STPG4: variants seen among roughly 807,000 people sequenced by gnomAD.
STPG4 encodes protein STPG4.
A neutral mutation model predicts 31.5 loss-of-function variants in STPG4; 41 were observed. The ratio of observed to expected loss-of-function variants is 1.30; its 90% confidence interval spans 1.01 to 1.69. The LOEUF (loss-of-function observed/expected upper bound fraction) is 1.69. STPG4 is among the 40% of genes most tolerant of loss of function. The pLI is 0.00. For synonymous variants in STPG4, 141 were observed against 103.0 expected, an observed-to-expected ratio of 1.37 and a Z score of -2.24; for missense variants, 375 against 293.4, an observed-to-expected ratio of 1.28 and a Z score of -2.03.
intron 5 of STPG4, among the ~76,000 whole-genome samples, chr2:47,092,798 TG>T (rs1463433366): frequency 1.2e-3 from 60 of 49,506 alleles, no homozygotes; most frequent in African/African-American, 3.2e-3. Context: ...TCCACGGTTC[TG>T]TTTTTTTTTT....
intron 3 of STPG4, among the ~76,000 whole-genome samples, 184 bp from the exon 4 acceptor site, chr2:47,130,444 C>T (rs1558683230): frequency 6.6e-6 from 1 of 152,202 alleles, no homozygotes; most frequent in Non-Finnish European, 1.5e-5. Context: ...AACATAGATT[C>T]GGTCTTCATG....
chr2:47,115,366 C>T (rs758102973), intron 5 of STPG4, among the ~76,000 whole-genome samples: 1 of 152,094 alleles, frequency 6.6e-6, no homozygotes, highest in Admixed American at 6.5e-5. Context: ...CTTTCTGGAT[C>T]TGCTCCTTTG....
intron 6 of STPG4, among the ~76,000 whole-genome samples, chr2:47,088,632 A>G (rs190599056): frequency 5.3e-4 from 81 of 152,244 alleles, no homozygotes; most frequent in African/African-American, 1.7e-3. Context: ...ATTTTTTACT[A>G]TTATCACCTA....
In STPG4 at chr2:47,130,123, G is replaced by T. The variant is rs190605427; in HGVS notation, c.464+73C>A. 4,615 of 1,506,996 alleles carry T rather than the reference G, an allele frequency of 3.1e-3. 15 individuals are homozygous for T. Among genetic ancestry groups the T allele is most frequent in the Non-Finnish European group, 3.7e-3 (3,981 of 1,085,268 alleles). The allele number at this position is 1,506,996 out of a possible 1,614,324, so 93.4% of individuals were successfully genotyped here. A position where few individuals can be genotyped will look rare whatever the true frequency, so the allele number is the denominator to read the frequency against. ...TTTGCATATGAGGTGCATAAATGAG[G>T]TTTAAAAGCCAGGAGTATTGGCGTG... On this transcript the variant is annotated intron_variant, in intron 4 of 6. Transcript: ENST00000445927.
intron 5 of STPG4, among the ~76,000 whole-genome samples, chr2:47,101,667 C>T (rs1685803817): frequency 6.6e-6 from 1 of 151,864 alleles, no homozygotes; most frequent in Non-Finnish European, 1.5e-5. Flanking sequence ...CCCAAAGCCC[C>T]ATCATAGTGG....
At position 47,155,195 on chromosome 2, in the gene STPG4, A is replaced by C. The variant is rs1573207139; in HGVS notation, c.57T>G (p.Gly19=). The change falls in exon 1 of 7, where the codon GGT becomes GGG. Residue 19 remains glycine (G), a synonymous_variant. Coordinates refer to ENST00000445927, the MANE Select transcript of STPG4 (RefSeq NM_001163561.2). The part of the protein sequence containing the change: ...ASTSIREDLV[G]GESFITASKP... ...CCGAAGCTGTGATGAATGATTCTCCACCCACCAGGTCTTCCCTTATTGAGG... is the reference window on the plus strand; with the variant it reads ...CCGAAGCTGTGATGAATGATTCTCCCCCCACCAGGTCTTCCCTTATTGAGG... The C allele has an allele frequency of 6.2e-7, 1 of 1,614,080 alleles. No homozygotes were observed. Among genetic ancestry groups the C allele is most frequent in the Non-Finnish European group, 8.5e-7 (1 of 1,180,014 alleles).
intron 3 of STPG4, among the ~76,000 whole-genome samples, chr2:47,138,412 G>C (rs1476888455): frequency 1.4e-5 from 2 of 147,808 alleles, no homozygotes; most frequent in African/African-American, 5.0e-5. Flanking sequence ...TTTTTTTGGA[G>C]ATGGAGTCTT....
intron 5 of STPG4, among the ~76,000 whole-genome samples, chr2:47,121,437 G>A (rs369627665): frequency 6.6e-6 from 1 of 152,106 alleles, no homozygotes; most frequent in African/African-American, 2.4e-5. Flanking sequence ...ACCCCAGGCA[G>A]GAAGCTGATG....
intron 5 of STPG4, among the ~76,000 whole-genome samples, chr2:47,127,762 C>G (rs1005869814): frequency 6.6e-6 from 1 of 152,072 alleles, no homozygotes; most frequent in Non-Finnish European, 1.5e-5. Context: ...TTTTGTTGCA[C>G]TTTGTCAAAA....
intron 2 of STPG4, 120 bp downstream of exon 2, chr2:47,152,837 T>A: frequency 1.5e-6 from 1 of 652,392 alleles, no homozygotes; most frequent in East Asian, 3.0e-5. Flanking sequence ...ATGAGGTCCA[T>A]GCAGATCTGA....
At chr2:47,136,675 A>C (rs1243616938) in intron 3 of STPG4, among the ~76,000 whole-genome samples, 1 of 152,166 alleles carries the variant, frequency 6.6e-6, no homozygotes, top group Non-Finnish European at 1.5e-5. Flanking sequence ...AGAGAAGTAA[A>C]TTCATTTCAT....
chr2:47,135,343 C>A (rs1472612715), intron 3 of STPG4, among the ~76,000 whole-genome samples: 1 of 152,106 alleles, frequency 6.6e-6, no homozygotes, highest in African/African-American at 2.4e-5. Flanking sequence ...ACTTTGAGTT[C>A]ATTTTGTGAA....
chr2:47,093,654 G>C (rs892468675), intron 5 of STPG4, among the ~76,000 whole-genome samples: 4 of 152,216 alleles, frequency 2.6e-5, no homozygotes, highest in Admixed American at 1.3e-4. Context: ...CAGGCATGAA[G>C]GCTGATGAAG....
chr2:47,145,246 T>C (rs1686796077), intron 3 of STPG4, among the ~76,000 whole-genome samples: 1 of 152,160 alleles, frequency 6.6e-6, no homozygotes. Flanking sequence ...GGCCTATTCA[T>C]GATAAAGGGA....
rs150268314 is a variant in STPG4 at position 47,148,491 on chromosome 2, A to G, written c.399+2767T>C. On this transcript the variant is annotated intron_variant, in intron 3 of 6. Coordinates refer to ENST00000445927, the MANE Select transcript of STPG4 (RefSeq NM_001163561.2). ...ATTCTCGAGTTGAGTTACATGCCTCAGAATAAAGATACTAAAAATAGTGAA... is the reference window on the plus strand; with the variant it reads ...ATTCTCGAGTTGAGTTACATGCCTCGGAATAAAGATACTAAAAATAGTGAA... 1.4e-3 allele frequency among the ~76,000 whole-genome samples: 218 copies of G among 152,298 alleles called. 2 individuals are homozygous for G. The highest frequency in any genetic ancestry group is 5.0e-3 in the African/African-American group (206 of 41,568).
chr2:47,095,935 T>A (rs1344588688), intron 5 of STPG4, among the ~76,000 whole-genome samples: 1 of 152,088 alleles, frequency 6.6e-6, no homozygotes, highest in Non-Finnish European at 1.5e-5. Context: ...TGTTCCCTAC[T>A]CTCTGGGACC....
At chr2:47,114,378 G>A (rs765692567) in intron 5 of STPG4, among the ~76,000 whole-genome samples, 1 of 151,908 alleles carries the variant, frequency 6.6e-6, no homozygotes, top group South Asian at 2.1e-4. Context: ...ATGGTGGCAG[G>A]CGCCTATAAT....
At chr2:47,140,798 G>A (rs1346823357) in intron 3 of STPG4, among the ~76,000 whole-genome samples, 1 of 152,060 alleles carries the variant, frequency 6.6e-6, no homozygotes, top group Non-Finnish European at 1.5e-5. Flanking sequence ...GAAGGCAACA[G>A]ATTTCTAATA....
intron 3 of STPG4, among the ~76,000 whole-genome samples, chr2:47,148,451 G>A (rs1686870868): frequency 6.6e-6 from 1 of 151,816 alleles, no homozygotes; most frequent in African/African-American, 2.4e-5. Flanking sequence ...AAAATAGAAA[G>A]TCTCTCCAAT....
Sources: allele counts gnomAD v4.1 joint callset (sites outside exome capture counted in the v4.1 genomes callset), GRCh38; gene constraint gnomAD v4.1.1; transcripts MANE v1.5; gene names NCBI Gene and HGNC (gene_info 2026-07-23, HGNC 2026-07-21).